Variants in TSPEAR observed in about 807,000 individuals in gnomAD.
The protein encoded by TSPEAR is thrombospondin type laminin G domain and EAR repeats.
Under a neutral mutation model 71.6 loss-of-function variants are expected in TSPEAR, and 69 were observed. That is an observed-to-expected ratio of 0.96 (90% CI 0.79 to 1.18). TSPEAR has a LOEUF of 1.18. Ranked by LOEUF, TSPEAR falls within the 50% of genes most tolerant of loss-of-function variation. The probability of loss-of-function intolerance (pLI) is 0.00; values close to 1 mark genes in which losing one functional copy is unlikely to be tolerated. For synonymous variants in TSPEAR, 402 were observed against 387.2 expected (o/e 1.04, Z -0.45); for missense variants, 971 against 894.9 (o/e 1.09, Z -1.09).
At chr21:44,521,823 T>C in intron 9 of TSPEAR, 60 bp downstream of exon 9, 2 of 1,468,088 alleles carry the variant, frequency 1.4e-6, no homozygotes, top group Non-Finnish European at 1.9e-6. Flanking sequence ...GTCCAGCAGG[T>C]GCAGGTGACA....
rs112735071 is a variant in TSPEAR at position 44,531,124 on chromosome 21, A to G, written c.552T>C (p.Asp184=). 3,098 of 1,613,712 alleles carry G rather than the reference A, an allele frequency of 1.9e-3. 45 individuals carry two copies. In the African/African-American group the frequency reaches 0.03, roughly 16 times the overall value. The change falls in exon 4 of 12, where the codon GAT becomes GAC. Residue 184 remains aspartate (D), a synonymous_variant. Coordinates refer to ENST00000323084, the MANE Select transcript of TSPEAR (RefSeq NM_144991.3). ...DCGLPVDIMA[D]VPFPATLSVK... Reference sequence around the variant, plus strand: ...CTGACAGGGTGGCTGGGAAGGGCACATCGGCCATTCTGAAAATATCAAAGG... The same window carrying G: ...CTGACAGGGTGGCTGGGAAGGGCACGTCGGCCATTCTGAAAATATCAAAGG...
chr21:44,524,239 G>A (rs1392178461), intron 8 of TSPEAR, among the ~76,000 whole-genome samples: 6 of 151,172 alleles, frequency 4.0e-5, no homozygotes, highest in African/African-American at 1.5e-4. Flanking sequence ...AGTCAGTGAG[G>A]TAGTCCATCA....
intron 1 of TSPEAR, among the ~76,000 whole-genome samples, chr21:44,573,326 C>A (rs1433534117): frequency 6.6e-6 from 1 of 151,686 alleles, no homozygotes; most frequent in African/African-American, 2.4e-5. Context: ...CACGGCAGAG[C>A]CACCCACAGG....
chr21:44,703,114 G>A lies in TSPEAR; in HGVS notation c.82+8319C>T, dbSNP rs951728859. 4.6e-5 allele frequency among the ~76,000 whole-genome samples: 7 copies of A among 152,262 alleles called. No individual in the cohort carries two copies. The South Asian group carries it at 1.0e-3, about 23-fold the overall frequency. On this transcript the variant is annotated intron_variant, in intron 1 of 11. Transcript: ENST00000323084. ...GCCATTGGCCGCCCTTGCCCACCAC[G>A]TGCCTTGCACAATGAATAAACTGGC...
chr21:44,697,459 G>A, intron 1 of TSPEAR: 1 of 1,614,078 alleles, frequency 6.2e-7, no homozygotes. Flanking sequence ...CGTGCTGCCA[G>A]CAGTCTAGCT....
chr21:44,539,023 C>G, intron 2 of TSPEAR: 1 of 575,534 alleles, frequency 1.7e-6, no homozygotes, highest in Non-Finnish European at 3.1e-6. Flanking sequence ...GGAGGAGGTG[C>G]TGAGAGGTTC....
intron 1 of TSPEAR, among the ~76,000 whole-genome samples, chr21:44,610,530 A>G (rs587631458): frequency 4.1e-4 from 63 of 152,360 alleles, no homozygotes; most frequent in African/African-American, 1.5e-3. Context: ...ATGGATGCCC[A>G]GGCAGAAGTT....
intron 1 of TSPEAR, among the ~76,000 whole-genome samples, chr21:44,571,650 A>G (rs961547881): frequency 1.3e-5 from 2 of 152,174 alleles, no homozygotes; most frequent in African/African-American, 4.8e-5. Flanking sequence ...CAAAAGTAAG[A>G]AAGGTCAGGG....
At chr21:44,552,778 G>C (rs1441489508) in intron 2 of TSPEAR, among the ~76,000 whole-genome samples, 1 of 152,192 alleles carries the variant, frequency 6.6e-6, no homozygotes, top group African/African-American at 2.4e-5. Flanking sequence ...TCGCCATTGT[G>C]ATGGAAATTC....
chr21:44,557,593 C>T (rs1026355091), intron 2 of TSPEAR, among the ~76,000 whole-genome samples: 29 of 152,108 alleles, frequency 1.9e-4, no homozygotes, highest in Non-Finnish European at 2.8e-4. Flanking sequence ...GAAGCACCCC[C>T]GGGGCCTGGA....
Position 44,711,207 on chromosome 21 carries a change from A to G in TSPEAR, c.82+226T>C, listed in dbSNP as rs1026780893. Among the ~76,000 whole-genome samples the G allele has an allele frequency of 2.0e-5, 3 of 151,366 alleles. No individual in the cohort carries two copies. Among genetic ancestry groups the G allele is most frequent in the Non-Finnish European group, 4.4e-5 (3 of 67,834 alleles). ...CTCGTCCCCACCCTGCGTGCGTTCT[A>G]AAGAGCCGCGTTTCTATTGCAACTG... On this transcript the variant is annotated intron_variant, in intron 1 of 11. Coordinates refer to ENST00000323084, the MANE Select transcript of TSPEAR (RefSeq NM_144991.3). This position sits in a 1 kb window ranked among gnomAD's most constrained non-coding sequence, Gnocchi z 4.5.
At chr21:44,705,047 C>G (rs549823712) in intron 1 of TSPEAR, among the ~76,000 whole-genome samples, 174 of 152,354 alleles carry the variant, frequency 1.1e-3, no homozygotes, top group Admixed American at 3.7e-3. Context: ...GGACCCCAAA[C>G]AGAGAGACCG....
chr21:44,706,498 C>T (rs1987933415), intron 1 of TSPEAR, among the ~76,000 whole-genome samples: 1 of 148,276 alleles, frequency 6.7e-6, no homozygotes, highest in Non-Finnish European at 1.5e-5. Context: ...CACGCGCACA[C>T]ACCGCTGTCC....
At chr21:44,703,659 T>C (rs557608170) in intron 1 of TSPEAR, among the ~76,000 whole-genome samples, 17 of 152,274 alleles carry the variant, frequency 1.1e-4, no homozygotes, top group East Asian at 7.7e-4. Context: ...ACCTCTTCTG[T>C]GGCCCCAGGT....
At chr21:44,517,025 G>A (rs2052595423) in intron 9 of TSPEAR, among the ~76,000 whole-genome samples, 1 of 152,290 alleles carries the variant, frequency 6.6e-6, no homozygotes. Context: ...GGCCGTCCTG[G>A]CCTGGCCCCT....
intron 11 of TSPEAR, among the ~76,000 whole-genome samples, chr21:44,503,644 GGGGGAAGCCGGCCTTGGTGAGCCCACAGC>G: frequency 7.2e-6 from 1 of 139,566 alleles, no homozygotes; most frequent in Admixed American, 7.1e-5. Context: ...TGAGCCCTTG[GGGGGAAGCCGGCCTTGGTGAGCCCACAGC>G]GGGGAAGCAA....
intron 1 of TSPEAR, among the ~76,000 whole-genome samples, chr21:44,659,118 CCCT>C (rs782475837): frequency 6.6e-6 from 1 of 152,152 alleles, no homozygotes; most frequent in Non-Finnish European, 1.5e-5. Flanking sequence ...CAACAGAGAG[CCCT>C]CCTTTCTCCA....
chr21:44,657,805 A>G (rs969789341), intron 1 of TSPEAR: 1 of 636,902 alleles, frequency 1.6e-6, no homozygotes, highest in Non-Finnish European at 2.7e-6. Context: ...TGACGCGGGA[A>G]AGTACACGCG....
At chr21:44,704,752 T>G (rs530036714) in intron 1 of TSPEAR, among the ~76,000 whole-genome samples, 1 of 152,176 alleles carries the variant, frequency 6.6e-6, no homozygotes, top group African/African-American at 2.4e-5. Flanking sequence ...CACTCAGCCA[T>G]GCGCTGCCTC....
Sources: allele counts gnomAD v4.1 joint callset (sites outside exome capture counted in the v4.1 genomes callset), GRCh38; gene constraint gnomAD v4.1.1; non-coding constraint Gnocchi (gnomAD v3.1); transcripts MANE v1.5; gene names NCBI Gene and HGNC (gene_info 2026-07-23, HGNC 2026-07-21).